Variants in ABCA4 observed in about 807,000 individuals in gnomAD.
ABCA4 encodes ATP binding cassette subfamily A member 4, also known as retinal-specific phospholipid-transporting ATPase ABCA4.
A neutral mutation model predicts 263.7 loss-of-function variants in ABCA4; 196 were observed. The ratio of observed to expected loss-of-function variants is 0.74; its 90% CI spans 0.66 to 0.84. ABCA4 has a LOEUF of 0.84. ABCA4 is among the 40% of genes least tolerant of loss of function. The pLI is 0.00. For synonymous variants in ABCA4, 1,133 were observed against 1,094.2 expected (o/e 1.04, Z -0.70); for missense variants, 2,792 against 2,855.1 (o/e 0.98, Z 0.50).
chr1:94,022,652 C>A (rs1659934679), intron 32 of ABCA4, among the ~76,000 whole-genome samples: 1 of 152,156 alleles, frequency 6.6e-6, no homozygotes, highest in Non-Finnish European at 1.5e-5. Context: ...GGCCTCAAAC[C>A]CTTCAAAGGC....
chr1:94,008,723 A>G (rs1263021320), intron 41 of ABCA4, 28 bp downstream of exon 41: 4 of 1,613,772 alleles, frequency 2.5e-6, no homozygotes, highest in Non-Finnish European at 3.4e-6. Context: ...TCTAACCAGC[A>G]CCTCCAAACT....
At chr1:93,997,755 G>T (rs1659048211) in intron 48 of ABCA4, 106 bp downstream of exon 48, 2 of 1,449,466 alleles carry the variant, frequency 1.4e-6, no homozygotes, top group Non-Finnish European at 1.9e-6. Flanking sequence ...GCAAGAGTTT[G>T]TTAAAAATCG....
At chr1:94,076,815 A>G (rs1162725718) in intron 11 of ABCA4, among the ~76,000 whole-genome samples, 1 of 152,242 alleles carries the variant, frequency 6.6e-6, no homozygotes, top group Non-Finnish European at 1.5e-5. Flanking sequence ...CGCAGAGATG[A>G]CAAGGCCTCT....
intron 21 of ABCA4, 117 bp from the exon 22 acceptor site, chr1:94,043,015 C>T (rs1557778384): frequency 8.3e-6 from 12 of 1,442,966 alleles, no homozygotes; most frequent in Non-Finnish European, 1.2e-5. Flanking sequence ...GGTGCTGCCT[C>T]TTAGATGTTT....
intron 6 of ABCA4, among the ~76,000 whole-genome samples, chr1:94,084,000 C>T (rs1196243087): frequency 1.3e-5 from 2 of 152,222 alleles, no homozygotes; most frequent in Non-Finnish European, 2.9e-5. Flanking sequence ...GAGAAGTTCC[C>T]TTGCAGATTC....
Position 94,025,070 on chromosome 1 carries a change from G to T in ABCA4, c.4540-22C>A, listed in dbSNP as rs78742319. 1,521 of 1,597,670 alleles carry T rather than the reference G, an allele frequency of 9.5e-4. 10 individuals carry two copies. In the African/African-American group the frequency reaches 0.018, roughly 19 times the overall value. On this transcript the variant is annotated intron_variant, in intron 30 of 49. Transcript: ENST00000370225. ...TTCTCTGAGGCAATGAGACACCCAC[G>T]TTAATTACCTTGGAACTTGAGGACT...
rs794727220 is a variant in ABCA4, at chr1:94,046,935, C to T, written c.2902G>A (p.Gly968Arg). ...ITAFLGHNGA[G>R]KTTTLSILTG... ...AAGACTCACAAGGTGGTGGTTTTCC[C>T]AGCTCCATTGTGGCCCAGGAATGCG... is the stretch of plus-strand genomic sequence containing the variant. The change falls in exon 19 of 50, where the codon GGG becomes AGG. Residue 968 changes from glycine to arginine, a missense_variant. Gly to Arg is a moderately radical substitution (Grantham distance 125, BLOSUM62 -2). Coordinates refer to ENST00000370225, the MANE Select transcript of ABCA4 (RefSeq NM_000350.3). 1 of 1,614,158 alleles carries T rather than the reference C, an allele frequency of 6.2e-7. No homozygotes were observed. Among genetic ancestry groups the T allele is most frequent in the Non-Finnish European group, 8.5e-7 (1 of 1,180,036 alleles).
rs4147867 is a variant in ABCA4 at position 94,000,567 on chromosome 1, C to T, written c.6479+269G>A. On this transcript the variant is annotated intron_variant, in intron 47 of 49. Transcript: ENST00000370225. ...GCAGTGGTAGCAGCCCTCCCTCATC[C>T]CAGCCAGGCTCTGCATGCATCCTGA... 0.13 allele frequency among the ~76,000 whole-genome samples: 19,398 copies of T among 152,060 alleles called. 2,070 individuals are homozygous for T. Among genetic ancestry groups the T allele is most frequent in the African/African-American group, 0.29 (12,132 of 41,444 alleles).
At chr1:94,018,120 C>T (rs1429023519) in intron 36 of ABCA4, among the ~76,000 whole-genome samples, 1 of 152,226 alleles carries the variant, frequency 6.6e-6, no homozygotes, top group Admixed American at 6.5e-5. Context: ...GTATCACCTC[C>T]CACCTCAGAT....
rs748595769 is a variant in ABCA4 at position 94,103,018 on chromosome 1, C to T, written c.567G>A (p.Glu189=). 11 of 1,614,090 alleles carry T rather than the reference C, an allele frequency of 6.8e-6. No individual in the cohort carries two copies. Among genetic ancestry groups the T allele is most frequent in the East Asian group, 2.2e-5 (1 of 44,898 alleles). ...CTGGCCAGTGACATCCCCCTACCTG[C>T]TCTGGACGGACTTGAGAGTTGATCA... ...YLLINSQVRP[E]QFAHGVPDLA... The change falls in exon 5 of 50, where the codon GAG becomes GAA. Residue 189 remains glutamate, a synonymous_variant. Coordinates refer to ENST00000370225, the MANE Select transcript of ABCA4 (RefSeq NM_000350.3).
In ABCA4 at chr1:94,078,651, T is replaced by C; in HGVS notation, c.1295A>G (p.Glu432Gly). 1 of 1,606,876 alleles carries C rather than the reference T, an allele frequency of 6.2e-7. No individual in the cohort carries two copies. Among genetic ancestry groups the C allele is most frequent in the Non-Finnish European group, 8.5e-7 (1 of 1,175,848 alleles). Residue 432 changes from glutamate to glycine, a missense_variant, in exon 10 of 50, where the codon GAA (glutamate) becomes GGA (glycine). By Grantham distance (98) the Glu-to-Gly change is moderately conservative. Transcript: ENST00000370225. ...GTACCAGATCTGGGGCCCTACTTCT[T>C]CCCAGGCTTTGACCAACTTCCTAAC... ...EHVRKLVKAWEEVGPQIWYFF... is the reference protein window; with the variant it reads ...EHVRKLVKAWGEVGPQIWYFF...
At chr1:94,022,037 A>C (rs771298761) in intron 32 of ABCA4, 86 bp from the exon 33 acceptor site, 7 of 1,143,748 alleles carry the variant, frequency 6.1e-6, no homozygotes, top group Non-Finnish European at 9.2e-6. Flanking sequence ...GGGAAACATG[A>C]ACTTTCGGGG....
intron 17 of ABCA4, among the ~76,000 whole-genome samples, chr1:94,049,973 C>T (rs1660789217): frequency 1.3e-5 from 2 of 152,178 alleles, no homozygotes; most frequent in South Asian, 4.1e-4. Context: ...AGGAGGAAAC[C>T]ACTGTCACCA....
chr1:94,046,473 A>AAAAAAAAAAAAAAAAAAAAAG (rs71094277), intron 19 of ABCA4, among the ~76,000 whole-genome samples: 2 of 120,744 alleles, frequency 1.7e-5, no homozygotes, highest in African/African-American at 2.7e-5. Flanking sequence ...AAAAAAAAAA[A>AAAAAAAAAAAAAAAAAAAAAG]AAAGAAAAGA....
chr1:94,071,899 C>T (rs899161359), intron 11 of ABCA4, among the ~76,000 whole-genome samples: 1 of 152,210 alleles, frequency 6.6e-6, no homozygotes, highest in South Asian at 2.1e-4. Flanking sequence ...TGCTCTTTCT[C>T]ACGATCCCCT....
intron 7 of ABCA4, 91 bp downstream of exon 7, chr1:94,083,261 G>A: frequency 8.6e-7 from 1 of 1,159,524 alleles, no homozygotes; most frequent in Non-Finnish European, 1.3e-6. Flanking sequence ...TCCTTGAACA[G>A]GTTTGAAATA....
intron 20 of ABCA4, among the ~76,000 whole-genome samples, chr1:94,044,108 TCCTTCCTTCCTTCCTC>T (rs147356266): frequency 0.71 from 89,779 of 126,174 alleles, 28,353 homozygotes; most frequent in Non-Finnish European, 0.75. Flanking sequence ...CTTCCTTCCT[TCCTTCCTTCCTTCCTC>T]CCTTCCTTCC....
intron 47 of ABCA4, 84 bp downstream of exon 47, chr1:94,000,752 G>A: frequency 2.1e-6 from 3 of 1,409,256 alleles, no homozygotes; most frequent in Admixed American, 3.3e-5. Flanking sequence ...GGAGCAGCAG[G>A]ACTCTTCCAA....
chr1:94,028,085 A>G (rs540446227), intron 30 of ABCA4, among the ~76,000 whole-genome samples: 67 of 152,252 alleles, frequency 4.4e-4, no homozygotes, highest in Non-Finnish European at 8.8e-4. Context: ...TAATAATATT[A>G]TGAAATAAGC....
Sources: allele counts gnomAD v4.1 joint callset (sites outside exome capture counted in the v4.1 genomes callset), GRCh38; gene constraint gnomAD v4.1.1; transcripts MANE v1.5; gene names NCBI Gene and HGNC (gene_info 2026-07-23, HGNC 2026-07-21).